POLH: variants seen among roughly 807,000 people sequenced by gnomAD.
POLH encodes DNA polymerase eta transcript.
Under a neutral mutation model 73.6 loss-of-function variants are expected in POLH, and 53 were observed. The ratio of observed to expected loss-of-function variants is 0.72; its 90% CI spans 0.58 to 0.91. POLH has a LOEUF of 0.91. Among genes scored for constraint, POLH ranks in the 40% least tolerant of loss-of-function variants. The pLI, the probability that POLH is intolerant of heterozygous loss-of-function variation, is 0.00. For missense variants in POLH, 768 were observed against 865.4 expected (o/e 0.89, Z 1.41); for synonymous variants, 292 against 308.5 (o/e 0.95, Z 0.56).
chr6:43,592,382 T>G (rs1037673222), intron 4 of POLH, among the ~76,000 whole-genome samples: 13 of 151,652 alleles, frequency 8.6e-5, no homozygotes, highest in Non-Finnish European at 1.6e-4. Flanking sequence ...TCAGCCCTCC[T>G]GCATTTGCAG....
chr6:43,576,713 A>G lies in POLH; in HGVS notation c.-5+273A>G, dbSNP rs148299421. Among the ~76,000 whole-genome samples, 747 of 152,090 alleles carry G rather than the reference A, an allele frequency of 4.9e-3. 5 individuals carry two copies. Among genetic ancestry groups the G allele is most frequent in the African/African-American group, 0.016 (680 of 41,494 alleles). On this transcript the variant is annotated intron_variant, in intron 1 of 10. Transcript: ENST00000372236. ...AACTTGTTTTGTGCGGATTGGGGTA[A>G]CTCGAGATGTTTAAAGGGAATAATT...
Position 43,604,739 on chromosome 6 carries a change from G to C in POLH, c.1008+1G>C. On this transcript the variant is annotated splice_donor_variant, in intron 8 of 10. Transcript: ENST00000372236. LOFTEE classifies it high-confidence loss of function. ...AACAGCTCTTGCTACTCGGGAACAG[G>C]TAAGCTGGCATTCTTGACAGAACAC... 6.2e-7 allele frequency: 1 copy of C among 1,614,064 alleles called. No individual in the cohort carries two copies. Among genetic ancestry groups the C allele is most frequent in the Non-Finnish European group, 8.5e-7 (1 of 1,179,978 alleles).
Position 43,617,410 on chromosome 6 carries a change from G to A in POLH, c.*2853G>A, listed in dbSNP as rs1768419602. 6.6e-6 allele frequency among the ~76,000 whole-genome samples: 1 copy of A among 152,062 alleles called. No homozygotes were observed. The highest frequency in any genetic ancestry group is 1.5e-5 in the Non-Finnish European group (1 of 68,022). On this transcript the variant is annotated 3_prime_UTR_variant, in exon 11 of 11. Coordinates refer to ENST00000372236, the MANE Select transcript of POLH (RefSeq NM_006502.3). The stretch of plus-strand genomic sequence containing the variant: ...GGAGGCCAAGGTGGGCGGATCACTT[G>A]AGGCTGGGAGTTTGAGACCAGGCTG...
chr6:43,604,580 A>G (rs200878479), intron 7 of POLH, 35 bp from the exon 8 acceptor site: 13 of 1,606,412 alleles, frequency 8.1e-6, no homozygotes, highest in Non-Finnish European at 9.4e-6. Context: ...ATAATCATTT[A>G]ATTTCACCTT....
chr6:43,608,761 T>C (rs1767571111), intron 9 of POLH, among the ~76,000 whole-genome samples: 1 of 152,234 alleles, frequency 6.6e-6, no homozygotes, highest in African/African-American at 2.4e-5. Context: ...AAGGACTTTA[T>C]GCCAAAAATA....
chr6:43,581,160 T>C (rs1184925731), intron 1 of POLH, among the ~76,000 whole-genome samples: 1 of 132,732 alleles, frequency 7.5e-6, no homozygotes, highest in African/African-American at 2.9e-5. Flanking sequence ...AGGCAGAGGG[T>C]CTCCTCACTT....
At chr6:43,601,903 CA>C (rs1766778852) in intron 6 of POLH, among the ~76,000 whole-genome samples, 2 of 152,040 alleles carry the variant, frequency 1.3e-5, no homozygotes, top group Admixed American at 1.3e-4. Flanking sequence ...ACTAAAAATA[CA>C]AAAATTAGCT....
chr6:43,600,907 G>A (rs1294055044), intron 5 of POLH, 81 bp from the exon 6 acceptor site: 1 of 851,264 alleles, frequency 1.2e-6, no homozygotes, highest in African/African-American at 1.7e-5. Context: ...CTCTGTGTGT[G>A]TGTATGTTAT....
intron 4 of POLH, among the ~76,000 whole-genome samples, chr6:43,589,771 C>T (rs1360023012): frequency 1.3e-5 from 2 of 151,570 alleles, no homozygotes; most frequent in East Asian, 1.9e-4. Context: ...AATCCTCCCA[C>T]CTCAGCCTCC....
intron 5 of POLH, among the ~76,000 whole-genome samples, chr6:43,598,706 C>T (rs745731190): frequency 6.6e-5 from 10 of 151,364 alleles, no homozygotes; most frequent in Non-Finnish European, 1.2e-4. Flanking sequence ...TTACATTGTA[C>T]GTTATAGGTG....
rs778807614 is a variant in POLH at position 43,618,723 on chromosome 6, C to T, written c.*4166C>T. Among the ~76,000 whole-genome samples the T allele has an allele frequency of 6.6e-6, 1 of 152,150 alleles. No individual in the cohort carries two copies. The highest frequency in any genetic ancestry group is 6.5e-5 in the Admixed American group (1 of 15,274). ...TCGGCTCACTGCAACCTCCGCCTCCCGGGTTCAAGCGATTCTCCTGCATCA... is the reference window on the plus strand; with the variant it reads ...TCGGCTCACTGCAACCTCCGCCTCCTGGGTTCAAGCGATTCTCCTGCATCA... On this transcript the variant is annotated 3_prime_UTR_variant, in exon 11 of 11. Transcript: ENST00000372236.
In POLH at chr6:43,592,810, C is replaced by T. The variant is rs372668338; in HGVS notation, c.491-4886C>T. Among the ~76,000 whole-genome samples, 12 of 152,204 alleles carry T rather than the reference C, an allele frequency of 7.9e-5. No individual in the cohort carries two copies. The South Asian group carries it at 1.2e-3, about 16-fold the overall frequency. ...AATTGTCAAGGTGAAACTTTCCCATCATTGCCATTTTGTAACTGGTTTGTT... is the reference window on the plus strand; with the variant it reads ...AATTGTCAAGGTGAAACTTTCCCATTATTGCCATTTTGTAACTGGTTTGTT... On this transcript the variant is annotated intron_variant, in intron 4 of 10. Transcript: ENST00000372236.
chr6:43,620,257 A>G lies in POLH; in HGVS notation c.*5700A>G, dbSNP rs368293597. On this transcript the variant is annotated 3_prime_UTR_variant, in exon 11 of 11. Coordinates refer to ENST00000372236, the MANE Select transcript of POLH (RefSeq NM_006502.3). ...ACAGGGTAGCTACCTATTTCACGTG[A>G]AAGGCCTCAGTATTCTGCTCACTTG... 13 of 516,746 alleles carry G rather than the reference A, an allele frequency of 2.5e-5. No individual in the cohort carries two copies. Among genetic ancestry groups the G allele is most frequent in the African/African-American group, 2.5e-4 (13 of 51,812 alleles). 32.0% of individuals were successfully genotyped at this position (516,746 alleles called of 1,614,324 possible). A position where few individuals can be genotyped will look rare whatever the true frequency, so the allele number is the denominator to read the frequency against.
intron 2 of POLH, 125 bp downstream of exon 2, chr6:43,582,581 G>A (rs1288465710): frequency 6.3e-6 from 6 of 946,196 alleles, no homozygotes; most frequent in South Asian, 2.6e-5. Context: ...CATCCAGAGC[G>A]CAGTGGCACC....
chr6:43,591,250 T>G (rs1353909994), intron 4 of POLH: 1 of 152,240 alleles, frequency 6.6e-6, no homozygotes, highest in Admixed American at 6.5e-5. Context: ...AGAAATTTAA[T>G]TATCATAATA....
In POLH at chr6:43,616,301, ACTT is replaced by A. The variant is rs1247249709; in HGVS notation, c.*1747_*1749del. Among the ~76,000 whole-genome samples, 2 of 151,160 alleles carry A rather than the reference ACTT, an allele frequency of 1.3e-5. No homozygotes were observed. The highest frequency in any genetic ancestry group is 3.0e-5 in the Non-Finnish European group (2 of 67,786). On this transcript the variant is annotated 3_prime_UTR_variant, in exon 11 of 11. Transcript: ENST00000372236. ...TCTCAAAAAAAAAAAAAAAAGAAAA[ACTT>A]CTCTTTAGGCTGGGTGCGGTTCCTC...
At chr6:43,603,508 C>T (rs1582307414) in intron 6 of POLH, among the ~76,000 whole-genome samples, 3 of 151,746 alleles carry the variant, frequency 2.0e-5, no homozygotes, top group South Asian at 2.1e-4. Context: ...GCAATCTTCC[C>T]GCCTTGGCCT....
rs777147317 is a variant in POLH at position 43,601,001 on chromosome 6, T to A, written c.674T>A (p.Leu225Gln). 6 of 1,613,806 alleles carry A rather than the reference T, an allele frequency of 3.7e-6. No individual in the cohort carries two copies. ...GISHNKVLAK[L>Q]ACGLNKPNRQ... is the part of the protein sequence containing the mutation. ...GCATGCTTCCAGGTCCTGGCAAAAC[T>A]GGCCTGTGGACTAAACAAGCCCAAC... is the stretch of plus-strand genomic sequence containing the variant. Residue 225 changes from leucine (L) to glutamine (Q), a missense_variant, in exon 6 of 11, where the codon CTG (leucine) becomes CAG (glutamine). Coordinates refer to ENST00000372236, the MANE Select transcript of POLH (RefSeq NM_006502.3).
At position 43,617,798 on chromosome 6, in the gene POLH, G is replaced by A. The variant is rs2127826757; in HGVS notation, c.*3241G>A. Among the ~76,000 whole-genome samples, 1 of 152,266 alleles carries A rather than the reference G, an allele frequency of 6.6e-6. No individual in the cohort carries two copies. The highest frequency in any genetic ancestry group is 1.9e-4 in the East Asian group (1 of 5,162). On this transcript the variant is annotated 3_prime_UTR_variant, in exon 11 of 11. Coordinates refer to ENST00000372236, the MANE Select transcript of POLH (RefSeq NM_006502.3). ...CAACTGGGCGTGGTGGTGCACGCCT[G>A]TAGTCCCAGCTACTTGGGAGGCTGA...
Sources: gnomAD v4.1 joint callset for allele counts (sites outside exome capture counted in the v4.1 genomes callset) on GRCh38, gnomAD v4.1.1 for gene constraint, MANE v1.5 for transcripts, NCBI Gene and HGNC (gene_info 2026-07-23, HGNC 2026-07-21) for gene names.